The following TPRG1 variants were observed in gnomAD, a reference collection of about 807,000 sequenced individuals.
The protein encoded by TPRG1 is tumor protein p63 regulated 1, also known as tumor protein p63-regulated gene 1 protein.
TPRG1 carries 29 observed loss-of-function variants against 29.3 expected under a neutral mutation model. That is an observed-to-expected ratio of 0.99 (90% CI 0.74 to 1.35). TPRG1 has a LOEUF of 1.35. TPRG1 is among the 40% of genes most tolerant of loss of function. The probability of loss-of-function intolerance (pLI) is 0.00; values close to 1 mark genes in which losing one functional copy is unlikely to be tolerated. For synonymous variants in TPRG1, 130 were observed against 116.8 expected, an observed-to-expected ratio of 1.11 and a Z score of -0.73; for missense variants, 327 against 335.0, an observed-to-expected ratio of 0.98 and a Z score of 0.19.
At chr3:189,313,904 G>T (rs1421081023) in intron 5 of TPRG1, among the ~76,000 whole-genome samples, 4 of 152,148 alleles carry the variant, frequency 2.6e-5, no homozygotes, top group Non-Finnish European at 5.9e-5. Flanking sequence ...GAGTAATTTG[G>T]TTTAACTGGA....
At chr3:189,231,269 T>C (rs1321620149) in intron 3 of TPRG1, among the ~76,000 whole-genome samples, 3 of 135,904 alleles carry the variant, frequency 2.2e-5, no homozygotes, top group Non-Finnish European at 3.2e-5. Flanking sequence ...ATAAAACATA[T>C]ATATATATAT....
intron 1 of TPRG1, among the ~76,000 whole-genome samples, chr3:189,185,726 T>C (rs541520140): frequency 6.6e-6 from 1 of 152,266 alleles, no homozygotes; most frequent in African/African-American, 2.4e-5. Context: ...GTGCATTGGA[T>C]GAATTATTCT....
chr3:189,207,341 A>C, intron 1 of TPRG1, 35 bp from the exon 2 acceptor site: 1 of 1,611,376 alleles, frequency 6.2e-7, no homozygotes, highest in Non-Finnish European at 8.5e-7. Context: ...CAGAGGTAAC[A>C]TTTTTTCAAT....
At chr3:189,199,498 G>T (rs2108771975) in intron 1 of TPRG1, among the ~76,000 whole-genome samples, 1 of 152,300 alleles carries the variant, frequency 6.6e-6, no homozygotes, top group East Asian at 1.9e-4. Flanking sequence ...ACTGAAATAA[G>T]ATTGATGACC....
At chr3:189,188,353 G>A (rs1731228546) in intron 1 of TPRG1, among the ~76,000 whole-genome samples, 1 of 152,164 alleles carries the variant, frequency 6.6e-6, no homozygotes, top group African/African-American at 2.4e-5. Context: ...CAATGAAAGA[G>A]TAAAGGTGGA....
chr3:189,196,425 G>T (rs1289546408), intron 1 of TPRG1, among the ~76,000 whole-genome samples: 1 of 152,172 alleles, frequency 6.6e-6, no homozygotes, highest in African/African-American at 2.4e-5. Flanking sequence ...AAAGGAGAGA[G>T]GTTTAATTGA....
At chr3:189,068,806 GGGAGGGAGGAGGGA>G (rs1175145155) in intron 4 of TPRG1, among the ~76,000 whole-genome samples, 1 of 151,726 alleles carries the variant, frequency 6.6e-6, no homozygotes, top group Admixed American at 6.6e-5. Context: ...AAGGAAGGGA[GGGAGGGAGGAGGGA>G]GGAGGGAGGA....
chr3:189,051,146 C>A (rs1252229397), intron 4 of TPRG1, among the ~76,000 whole-genome samples: 1 of 152,174 alleles, frequency 6.6e-6, no homozygotes, highest in Non-Finnish European at 1.5e-5. Context: ...GTCAAAATGT[C>A]ACTGTTTGCT....
At chr3:189,247,598 GT>G (rs1741549141) in intron 4 of TPRG1, among the ~76,000 whole-genome samples, 1 of 151,594 alleles carries the variant, frequency 6.6e-6, no homozygotes, top group African/African-American at 2.4e-5. Flanking sequence ...TTGGTTGTTT[GT>G]TTTTTTGGCA....
chr3:189,206,808 CGTGTGT>C (rs142505576), intron 1 of TPRG1, among the ~76,000 whole-genome samples: 1 of 147,626 alleles, frequency 6.8e-6, no homozygotes, highest in Non-Finnish European at 1.5e-5. Context: ...GCTGAACAAC[CGTGTGT>C]GTGTGTGTGT....
At chr3:189,237,545 C>T (rs1478253801) in intron 3 of TPRG1, among the ~76,000 whole-genome samples, 1 of 152,104 alleles carries the variant, frequency 6.6e-6, no homozygotes, top group Non-Finnish European at 1.5e-5. Context: ...TTAGGAAATC[C>T]TCTTTGAATG....
intron 4 of TPRG1, among the ~76,000 whole-genome samples, chr3:189,254,241 C>G (rs954630857): frequency 6.6e-6 from 1 of 152,208 alleles, no homozygotes; most frequent in East Asian, 1.9e-4. Context: ...CTGCATATGG[C>G]TAGCCATTTT....
chr3:189,170,043 TCA>T (rs1728626721), upstream of TPRG1, among the ~76,000 whole-genome samples: 1 of 152,214 alleles, frequency 6.6e-6, no homozygotes, highest in Admixed American at 6.5e-5. Flanking sequence ...TGATGTCTTT[TCA>T]CAGAGTTTCT....
chr3:189,113,069 T>A, intron 1 of TPRG1, among the ~76,000 whole-genome samples: 1 of 152,184 alleles, frequency 6.6e-6, no homozygotes, highest in Non-Finnish European at 1.5e-5. Context: ...TGGTTTGTAG[T>A]TCTCCTTGAA....
At chr3:188,997,765 A>G (rs1030740488) in intron 1 of TPRG1, among the ~76,000 whole-genome samples, 1 of 152,188 alleles carries the variant, frequency 6.6e-6, no homozygotes, top group African/African-American at 2.4e-5. Flanking sequence ...CCGAACAATT[A>G]CATTCCAGGA....
intron 5 of TPRG1, among the ~76,000 whole-genome samples, chr3:189,165,396 C>A (rs1403764551): frequency 9.6e-6 from 1 of 104,062 alleles, no homozygotes; most frequent in South Asian, 3.9e-4. Context: ...ATGACTGTCA[C>A]GATAGATGGA....
At chr3:189,279,035 A>G (rs1027343951) in intron 4 of TPRG1, among the ~76,000 whole-genome samples, 2 of 152,244 alleles carry the variant, frequency 1.3e-5, no homozygotes, top group East Asian at 3.8e-4. Flanking sequence ...CTTTTTCTCT[A>G]AAGGACTAGA....
At chr3:189,162,992 C>T (rs1333817063) in intron 5 of TPRG1, among the ~76,000 whole-genome samples, 1 of 152,160 alleles carries the variant, frequency 6.6e-6, no homozygotes, top group Non-Finnish European at 1.5e-5. Context: ...AGTTCTTAGG[C>T]TGGGTGTGGT....
chr3:189,036,281 G>A (rs940814810), intron 4 of TPRG1, among the ~76,000 whole-genome samples: 1 of 152,178 alleles, frequency 6.6e-6, no homozygotes, highest in South Asian at 2.1e-4. Flanking sequence ...GTAGAATGGG[G>A]CTAGGGTTGA....
Sources: allele counts gnomAD v4.1 joint callset (sites outside exome capture counted in the v4.1 genomes callset), GRCh38; gene constraint gnomAD v4.1.1; transcripts MANE v1.5; gene names NCBI Gene and HGNC (gene_info 2026-07-23, HGNC 2026-07-21).